NDC1: variants seen among roughly 807,000 people sequenced by gnomAD.
NDC1 encodes the protein nucleoporin NDC1.
In NDC1, 24 loss-of-function variants were observed where a neutral mutation model predicts 89.8. The observed-to-expected ratio is 0.27, with a 90% confidence interval of 0.19 to 0.38. NDC1 has a LOEUF of 0.38. NDC1 is among the 10% of genes least tolerant of loss of function. The probability of loss-of-function intolerance (pLI) is 1.00; values close to 1 mark genes in which losing one functional copy is unlikely to be tolerated. For synonymous variants in NDC1, 296 were observed against 284.8 expected (o/e 1.04, Z -0.39); for missense variants, 728 against 797.6 (o/e 0.91, Z 1.05).
At chr1:53,835,074 T>G (rs1649186523) in intron 2 of NDC1, among the ~76,000 whole-genome samples, 1 of 152,150 alleles carries the variant, frequency 6.6e-6, no homozygotes, top group African/African-American at 2.4e-5. Flanking sequence ...AGAGCAAGAC[T>G]CTGTTTCAAA....
intron 13 of NDC1, among the ~76,000 whole-genome samples, chr1:53,795,859 C>T (rs1042285702): frequency 2.0e-5 from 3 of 152,182 alleles, no homozygotes; most frequent in Non-Finnish European, 4.4e-5. Context: ...CAAGACCATA[C>T]GGTGACTTTC....
intron 6 of NDC1, among the ~76,000 whole-genome samples, chr1:53,815,687 G>T (rs1325313016): frequency 6.6e-6 from 1 of 152,088 alleles, no homozygotes; most frequent in Non-Finnish European, 1.5e-5. Context: ...TGATATGATC[G>T]TTTACCTTAA....
chr1:53,791,572 G>A (rs1256906453), intron 14 of NDC1, among the ~76,000 whole-genome samples: 5 of 152,136 alleles, frequency 3.3e-5, no homozygotes, highest in Non-Finnish European at 7.3e-5. Flanking sequence ...AACAAATGCT[G>A]TCTTTGGTTA....
intron 9 of NDC1, 134 bp downstream of exon 9, chr1:53,806,290 AG>A (rs1648106122): frequency 1.9e-6 from 1 of 519,116 alleles, no homozygotes. Flanking sequence ...ATTAGCAAGT[AG>A]GTGATTTTTA....
rs553822293 is a variant in NDC1, at chr1:53,821,884, A to G, written c.595-2805T>C. ...TAATACTTTCAACAGTCTTGTTGGC[A>G]TAGTTGTCTTGATGTCCATTTCTTT... On this transcript the variant is annotated intron_variant, in intron 5 of 17. Coordinates refer to ENST00000371429, the MANE Select transcript of NDC1 (RefSeq NM_018087.5). Among the ~76,000 whole-genome samples, 24 of 152,346 alleles carry G rather than the reference A, an allele frequency of 1.6e-4. 1 individual carries two copies. The highest frequency in any genetic ancestry group is 1.4e-3 in the Admixed American group (21 of 15,294).
intron 16 of NDC1, among the ~76,000 whole-genome samples, chr1:53,782,147 C>A (rs1312554377): frequency 1.3e-5 from 2 of 151,876 alleles, no homozygotes; most frequent in African/African-American, 4.8e-5. Context: ...GCAGCATGTG[C>A]AGTTAGAGTC....
intron 4 of NDC1, among the ~76,000 whole-genome samples, chr1:53,827,323 G>A (rs1280830966): frequency 6.6e-6 from 1 of 151,072 alleles, no homozygotes; most frequent in East Asian, 1.9e-4. Context: ...TGGAGTGCAG[G>A]AGCTATTCAC....
At chr1:53,819,718 G>A (rs994947759) in intron 5 of NDC1, among the ~76,000 whole-genome samples, 5 of 152,202 alleles carry the variant, frequency 3.3e-5, no homozygotes, top group African/African-American at 1.2e-4. Flanking sequence ...ATCAAGAATT[G>A]TGAGTTCTAG....
Position 53,765,760 on chromosome 1 carries a change from A to G in NDC1, c.*2210T>C, listed in dbSNP as rs775782055. 6.6e-6 allele frequency: 1 copy of G among 152,164 alleles called. No homozygotes were observed. The highest frequency in any genetic ancestry group is 1.5e-5 in the Non-Finnish European group (1 of 68,016). 9.4% of individuals were successfully genotyped at this position (152,164 alleles called of 1,614,324 possible). ...AGAGCTGATACCATCATGTTTTTATACTAACAGCCGAGAAAGGCTTTTAAA... is the reference window on the plus strand; with the variant it reads ...AGAGCTGATACCATCATGTTTTTATGCTAACAGCCGAGAAAGGCTTTTAAA... On this transcript the variant is annotated 3_prime_UTR_variant, in exon 18 of 18. Coordinates refer to ENST00000371429, the MANE Select transcript of NDC1 (RefSeq NM_018087.5).
chr1:53,810,646 T>C (rs997893242), intron 6 of NDC1, among the ~76,000 whole-genome samples: 1 of 152,200 alleles, frequency 6.6e-6, no homozygotes, highest in African/African-American at 2.4e-5. Context: ...GGCTCATGCC[T>C]ATAATCCCAG....
At chr1:53,802,484 C>T (rs1025189620) in intron 10 of NDC1, among the ~76,000 whole-genome samples, 5 of 152,020 alleles carry the variant, frequency 3.3e-5, no homozygotes, top group South Asian at 2.1e-4. Context: ...CTGGGAAACA[C>T]GGCAAGACCC....
intron 17 of NDC1, among the ~76,000 whole-genome samples, chr1:53,771,999 T>C (rs575315287): frequency 6.6e-6 from 1 of 152,308 alleles, no homozygotes; most frequent in East Asian, 1.9e-4. Flanking sequence ...TTAGTTTTAA[T>C]ATGCTTTTCT....
At chr1:53,774,253 T>C (rs1647143437) in intron 16 of NDC1, among the ~76,000 whole-genome samples, 1 of 152,220 alleles carries the variant, frequency 6.6e-6, no homozygotes, top group Admixed American at 6.5e-5. Context: ...TTTAGTGTTA[T>C]TTAAGTATTT....
At chr1:53,835,465 C>A in intron 2 of NDC1, 35 bp downstream of exon 2, 1 of 1,576,682 alleles carries the variant, frequency 6.3e-7, no homozygotes, top group Non-Finnish European at 8.6e-7. Context: ...AGAAGTAGGT[C>A]CTATAACTTT....
At chr1:53,789,024 T>C (rs1007976625) in intron 15 of NDC1, 109 bp downstream of exon 15, 6 of 701,344 alleles carry the variant, frequency 8.6e-6, no homozygotes, top group South Asian at 1.9e-5. Context: ...AAAACGAATC[T>C]GTACATTCAA....
At chr1:53,807,398 T>C (rs953668309) in intron 8 of NDC1, among the ~76,000 whole-genome samples, 4 of 151,492 alleles carry the variant, frequency 2.6e-5, no homozygotes, top group African/African-American at 9.7e-5. Flanking sequence ...AGAAGACAAC[T>C]AGGATGTCAA....
chr1:53,824,458 C>A (rs1317798537), intron 5 of NDC1, among the ~76,000 whole-genome samples: 1 of 152,100 alleles, frequency 6.6e-6, no homozygotes, highest in Non-Finnish European at 1.5e-5. Flanking sequence ...AATAATATAC[C>A]ATTTGTTTAC....
Position 53,807,707 on chromosome 1 carries a change from G to A in NDC1, c.840C>T (p.Leu280=), listed in dbSNP as rs754515765. 1.9e-6 allele frequency: 3 copies of A among 1,613,814 alleles called. No homozygotes were observed. Among genetic ancestry groups the A allele is most frequent in the African/African-American group, 2.7e-5 (2 of 75,048 alleles). The change falls in exon 8 of 18, where the codon CTC becomes CTT. Residue 280 remains leucine (L), a synonymous_variant. Transcript: ENST00000371429. ...TCCATGAGACATACCAAGTCGTCAG[G>A]AGAAAGACACCACACAGCCAGACAT... ...LYHVWLCGVF[L]LTTWYVSWIL...
At chr1:53,812,770 A>G (rs1168235682) in intron 6 of NDC1, among the ~76,000 whole-genome samples, 3 of 152,250 alleles carry the variant, frequency 2.0e-5, no homozygotes, top group South Asian at 2.1e-4. Flanking sequence ...TGAAAAATTC[A>G]TCACAAAAAG....
Sources: gnomAD v4.1 joint callset for allele counts (sites outside exome capture counted in the v4.1 genomes callset) on GRCh38, gnomAD v4.1.1 for gene constraint, MANE v1.5 for transcripts, NCBI Gene and HGNC (gene_info 2026-07-23, HGNC 2026-07-21) for gene names.